Variants in CCSER1 observed in about 807,000 individuals in gnomAD.
CCSER1 encodes the protein serine-rich coiled-coil domain-containing protein 1.
In CCSER1, 41 loss-of-function variants were observed where a neutral mutation model predicts 82.0. That is an observed-to-expected ratio of 0.50 (90% CI 0.39 to 0.65). The LOEUF is 0.65. Ranked by LOEUF, CCSER1 falls within the 30% of genes least tolerant of loss-of-function variation. The probability of loss-of-function intolerance (pLI) is 0.00; values close to 1 mark genes in which losing one functional copy is unlikely to be tolerated. For synonymous variants in CCSER1, 414 were observed against 383.9 expected (o/e 1.08, Z -0.92); for missense variants, 1,119 against 1,064.2 (o/e 1.05, Z -0.72).
intron 8 of CCSER1, among the ~76,000 whole-genome samples, chr4:90,827,375 G>C (rs1020354532): frequency 6.6e-6 from 1 of 152,186 alleles, no homozygotes; most frequent in Non-Finnish European, 1.5e-5. Flanking sequence ...ATCAGGTTGG[G>C]AACTTCAGAC....
At chr4:90,733,552 A>G (rs1580207521) in intron 7 of CCSER1, among the ~76,000 whole-genome samples, 1 of 151,976 alleles carries the variant, frequency 6.6e-6, no homozygotes. Flanking sequence ...CATCTATCCA[A>G]TTTTGCTTTG....
chr4:90,540,113 G>A (rs1775922044), intron 5 of CCSER1, among the ~76,000 whole-genome samples: 1 of 152,050 alleles, frequency 6.6e-6, no homozygotes, highest in Non-Finnish European at 1.5e-5. Flanking sequence ...CTAAGGCAAG[G>A]TTTTGGACTA....
intron 8 of CCSER1, among the ~76,000 whole-genome samples, chr4:90,859,979 G>A (rs1764886679): frequency 6.6e-6 from 1 of 151,494 alleles, no homozygotes; most frequent in Admixed American, 6.6e-5. Context: ...TGAACAATAA[G>A]TACTAGATTT....
At chr4:90,155,168 A>C (rs1414982618) in intron 1 of CCSER1, among the ~76,000 whole-genome samples, 1 of 152,156 alleles carries the variant, frequency 6.6e-6, no homozygotes, top group Non-Finnish European at 1.5e-5. Context: ...TTCTGTTTAT[A>C]CGCTGGATTA....
At chr4:90,147,254 A>G (rs993441384) in intron 1 of CCSER1, among the ~76,000 whole-genome samples, 4 of 152,120 alleles carry the variant, frequency 2.6e-5, no homozygotes, top group Non-Finnish European at 4.4e-5. Flanking sequence ...TATTCTCACA[A>G]CAACCCTATG....
chr4:90,755,864 A>T (rs1465329458), intron 7 of CCSER1, among the ~76,000 whole-genome samples: 2 of 152,208 alleles, frequency 1.3e-5, no homozygotes, highest in Admixed American at 6.5e-5. Flanking sequence ...AGGAATTTAC[A>T]CTTCTAAAGT....
chr4:90,924,282 A>G (rs1470770474), intron 9 of CCSER1, among the ~76,000 whole-genome samples: 3 of 152,290 alleles, frequency 2.0e-5, no homozygotes, highest in East Asian at 3.9e-4. Flanking sequence ...ATGATAAATT[A>G]TATGTTTATC....
At chr4:90,449,451 C>T (rs1392590565) in intron 4 of CCSER1, among the ~76,000 whole-genome samples, 1 of 152,210 alleles carries the variant, frequency 6.6e-6, no homozygotes, top group Non-Finnish European at 1.5e-5. Flanking sequence ...GGGGATCCAC[C>T]CTTTTCTGCC....
chr4:91,151,735 A>G (rs1468809592), intron 10 of CCSER1, among the ~76,000 whole-genome samples: 2 of 152,182 alleles, frequency 1.3e-5, no homozygotes, highest in Admixed American at 6.5e-5. Flanking sequence ...TTATGTACCC[A>G]GTAGTCATTC....
intron 9 of CCSER1, among the ~76,000 whole-genome samples, chr4:90,935,541 T>C (rs145554576): frequency 0.02 from 3,032 of 152,258 alleles, 40 homozygotes; most frequent in Non-Finnish European, 0.032. Context: ...AGATATGAGG[T>C]GAAGGCTACA....
chr4:90,231,106 T>A (rs1283208849), intron 1 of CCSER1, among the ~76,000 whole-genome samples: 4 of 152,100 alleles, frequency 2.6e-5, no homozygotes, highest in African/African-American at 9.6e-5. Context: ...GAGGGAATCC[T>A]CCCTAACTCA....
chr4:91,427,922 GT>G (rs1352599859), intron 10 of CCSER1, among the ~76,000 whole-genome samples: 1 of 60,912 alleles, frequency 1.6e-5, no homozygotes, highest in Non-Finnish European at 4.1e-5. Context: ...ACCATGCTTA[GT>G]CCAGGGATAT....
chr4:90,445,153 C>T (rs971522455), intron 4 of CCSER1, among the ~76,000 whole-genome samples: 1 of 152,006 alleles, frequency 6.6e-6, no homozygotes, highest in African/African-American at 2.4e-5. Context: ...GTTAGGTCTT[C>T]AACTTCAGGA....
intron 10 of CCSER1, among the ~76,000 whole-genome samples, chr4:91,193,822 A>AT (rs11422541): frequency 0.5 from 75,084 of 149,584 alleles, 19,332 homozygotes; most frequent in African/African-American, 0.63. Flanking sequence ...TGTTTTATTG[A>AT]TTTTTTTTTT....
intron 1 of CCSER1, among the ~76,000 whole-genome samples, chr4:90,289,011 T>C (rs72879759): frequency 0.041 from 6,287 of 151,920 alleles, 315 homozygotes; most frequent in East Asian, 0.23. Flanking sequence ...TGGTGAGCCA[T>C]TCTCCCCTTT....
chr4:90,296,191 C>G (rs995604526), intron 1 of CCSER1, among the ~76,000 whole-genome samples: 5 of 152,054 alleles, frequency 3.3e-5, no homozygotes, highest in Admixed American at 6.6e-5. Context: ...GTTCTTTGCT[C>G]CCTGACTAAA....
intron 6 of CCSER1, among the ~76,000 whole-genome samples, chr4:90,703,909 G>A (rs1161800748): frequency 6.6e-6 from 1 of 151,982 alleles, no homozygotes; most frequent in Non-Finnish European, 1.5e-5. Context: ...CACACTGATG[G>A]GTCTTTACTC....
At chr4:90,461,226 C>A (rs575156204) in intron 4 of CCSER1, among the ~76,000 whole-genome samples, 1 of 139,388 alleles carries the variant, frequency 7.2e-6, no homozygotes, top group Non-Finnish European at 1.5e-5. Context: ...CCACTACGCC[C>A]GGCTAATTTT....
chr4:90,894,664 CCTT>C (rs1723442144), intron 8 of CCSER1, among the ~76,000 whole-genome samples: 1 of 151,876 alleles, frequency 6.6e-6, no homozygotes, highest in South Asian at 2.1e-4. Context: ...CTTTCCTCCT[CCTT>C]CCTCACATTT....
Sources: gnomAD v4.1 joint callset for allele counts (sites outside exome capture counted in the v4.1 genomes callset) on GRCh38, gnomAD v4.1.1 for gene constraint, MANE v1.5 for transcripts, NCBI Gene and HGNC (gene_info 2026-07-23, HGNC 2026-07-21) for gene names.